Variants in GLI3 observed in about 807,000 individuals in gnomAD.
The protein encoded by GLI3 is transcription activator GLI3.
A neutral mutation model predicts 100.8 loss-of-function variants in GLI3; 20 were observed. The observed-to-expected ratio is 0.20, with a 90% CI of 0.14 to 0.29. GLI3 has a LOEUF of 0.29. Among genes scored for constraint, GLI3 ranks in the 10% least tolerant of loss-of-function variants. GLI3 has a pLI of 1.00. For synonymous variants in GLI3, 938 were observed against 860.5 expected (o/e 1.09, Z -1.58); for missense variants, 2,040 against 2,128.5 (o/e 0.96, Z 0.82).
At chr7:42,114,458 C>T (rs890057490) in intron 3 of GLI3, among the ~76,000 whole-genome samples, 7 of 151,722 alleles carry the variant, frequency 4.6e-5, no homozygotes, top group African/African-American at 1.5e-4. Flanking sequence ...AAAAGAAATA[C>T]AGAAGTGCTT....
At chr7:42,103,441 A>C (rs1398237929) in intron 3 of GLI3, among the ~76,000 whole-genome samples, 1 of 147,456 alleles carries the variant, frequency 6.8e-6, no homozygotes, top group African/African-American at 2.5e-5. Context: ...CAGTGACATG[A>C]TTCAAAGATC....
intron 2 of GLI3, among the ~76,000 whole-genome samples, chr7:42,171,146 C>G (rs531438022): frequency 6.6e-6 from 1 of 152,294 alleles, no homozygotes; most frequent in African/African-American, 2.4e-5. Context: ...GTGTTAGATT[C>G]AAAGCTAGAC....
chr7:42,011,918 C>G (rs1788622900), intron 10 of GLI3, among the ~76,000 whole-genome samples: 1 of 152,164 alleles, frequency 6.6e-6, no homozygotes, highest in African/African-American at 2.4e-5. Flanking sequence ...ATGGTAACTG[C>G]TATGTGATAT....
intron 4 of GLI3, among the ~76,000 whole-genome samples, chr7:42,072,616 T>A (rs1045462255): frequency 1.1e-4 from 16 of 152,232 alleles, no homozygotes; most frequent in Non-Finnish European, 1.3e-4. Flanking sequence ...AGTGAAATTT[T>A]AAAAATTAGT....
intron 10 of GLI3, among the ~76,000 whole-genome samples, chr7:42,013,862 T>C (rs1354964168): frequency 1.3e-5 from 2 of 152,108 alleles, no homozygotes; most frequent in Non-Finnish European, 2.9e-5. Context: ...TTAGTACCCT[T>C]TGGTAAAGAG....
chr7:42,068,928 A>G (rs1784729577), intron 4 of GLI3, among the ~76,000 whole-genome samples: 1 of 152,242 alleles, frequency 6.6e-6, no homozygotes, highest in African/African-American at 2.4e-5. Flanking sequence ...ACTTAAAAAA[A>G]TAAATAAAAT....
chr7:42,157,096 G>C (rs1426449144), intron 2 of GLI3, among the ~76,000 whole-genome samples: 2 of 152,314 alleles, frequency 1.3e-5, no homozygotes, highest in East Asian at 3.9e-4. Context: ...AAAGGAGCTA[G>C]AGGCCACATG....
chr7:42,142,601 C>T (rs751736844), intron 3 of GLI3, among the ~76,000 whole-genome samples: 3 of 152,064 alleles, frequency 2.0e-5, no homozygotes, highest in Non-Finnish European at 4.4e-5. Context: ...CGCAGACTCA[C>T]GGTCGCATCA....
chr7:42,110,403 A>T (rs543141519), intron 3 of GLI3, among the ~76,000 whole-genome samples: 1 of 152,314 alleles, frequency 6.6e-6, no homozygotes, highest in African/African-American at 2.4e-5. Context: ...GATGCCTATT[A>T]TGTGTCTGCA....
chr7:42,229,615 C>T (rs1788655039), intron 1 of GLI3, among the ~76,000 whole-genome samples: 2 of 152,166 alleles, frequency 1.3e-5, no homozygotes, highest in African/African-American at 2.4e-5. Context: ...TGAAGAGTGA[C>T]ATTGCTCTCA....
chr7:42,210,737 T>C (rs951698770), intron 2 of GLI3, among the ~76,000 whole-genome samples: 12 of 152,176 alleles, frequency 7.9e-5, no homozygotes, highest in Non-Finnish European at 1.5e-4. Context: ...TATCTCTCTC[T>C]CTCCTTACAA....
intron 1 of GLI3, among the ~76,000 whole-genome samples, chr7:42,263,606 C>T (rs56750200): frequency 0.085 from 12,867 of 152,060 alleles, 1,103 homozygotes; most frequent in African/African-American, 0.22. Flanking sequence ...GCCACCATGC[C>T]CTGCTAATTT....
intron 1 of GLI3, among the ~76,000 whole-genome samples, chr7:42,245,906 G>A (rs1279977463): frequency 1.4e-5 from 2 of 143,916 alleles, no homozygotes; most frequent in Non-Finnish European, 1.5e-5. Context: ...GAAAGAAAAG[G>A]AAAAAAAAAA....
chr7:41,987,328 C>T (rs1475044196), intron 10 of GLI3, among the ~76,000 whole-genome samples: 2 of 151,976 alleles, frequency 1.3e-5, no homozygotes, highest in African/African-American at 4.8e-5. Context: ...GCCACCACTC[C>T]CAGCTAATTT....
At chr7:42,106,464 G>A (rs78350212) in intron 3 of GLI3, among the ~76,000 whole-genome samples, 1 of 152,180 alleles carries the variant, frequency 6.6e-6, no homozygotes, top group African/African-American at 2.4e-5. Flanking sequence ...GAGCAAGGAC[G>A]GGCTCCTGCC....
intron 10 of GLI3, among the ~76,000 whole-genome samples, chr7:42,013,698 AAATAATGACAAAGGAAAAATGATAAC>A (rs1466907105): frequency 1.3e-5 from 2 of 152,188 alleles, no homozygotes; most frequent in Admixed American, 1.3e-4. Context: ...GCACAAAGCA[AAATAATGACAAAGGAAAAATGATAAC>A]AATCACAATA....
chr7:42,093,197 T>C (rs563622829), intron 3 of GLI3, among the ~76,000 whole-genome samples: 5 of 151,656 alleles, frequency 3.3e-5, no homozygotes, highest in Admixed American at 2.6e-4. Context: ...CTGTCCAACA[T>C]GGAGAAACCC....
At chr7:42,003,675 T>A (rs1583778625) in intron 10 of GLI3, among the ~76,000 whole-genome samples, 1 of 152,308 alleles carries the variant, frequency 6.6e-6, no homozygotes, top group South Asian at 2.1e-4. Context: ...TAAAAAGAAA[T>A]TTTAAAAATC....
chr7:42,110,183 C>A (rs1488205602), intron 3 of GLI3, among the ~76,000 whole-genome samples: 1 of 152,156 alleles, frequency 6.6e-6, no homozygotes, highest in Non-Finnish European at 1.5e-5. Context: ...TGTCTTATTC[C>A]TTTCTTCAAA....
Sources: allele counts gnomAD v4.1 joint callset (sites outside exome capture counted in the v4.1 genomes callset), GRCh38; gene constraint gnomAD v4.1.1; transcripts MANE v1.5; gene names NCBI Gene and HGNC (gene_info 2026-07-23, HGNC 2026-07-21).